KIAA1217: variants seen among roughly 807,000 people sequenced by gnomAD.
KIAA1217 encodes the protein sickle tail protein homolog.
A neutral mutation model predicts 163.9 loss-of-function variants in KIAA1217; 88 were observed. The ratio of observed to expected loss-of-function variants is 0.54; its 90% CI spans 0.45 to 0.64. The LOEUF is 0.64. KIAA1217 is among the 30% of genes least tolerant of loss of function. KIAA1217 has a pLI of 0.00. For synonymous variants in KIAA1217, 903 were observed against 923.1 expected, an observed-to-expected ratio of 0.98 and a Z score of 0.39; for missense variants, 2,372 against 2,475.0, an observed-to-expected ratio of 0.96 and a Z score of 0.88.
At chr10:24,219,566 T>C (rs2069304287) in intron 1 of KIAA1217, 60 bp from the exon 2 acceptor site, 3 of 1,412,236 alleles carry the variant, frequency 2.1e-6, no homozygotes, top group Non-Finnish European at 2.8e-6. Flanking sequence ...CTTGGTGTTC[T>C]GCAAATGAGA....
At chr10:24,334,140 T>C (rs2046033916) in intron 2 of KIAA1217, among the ~76,000 whole-genome samples, 1 of 152,210 alleles carries the variant, frequency 6.6e-6, no homozygotes, top group African/African-American at 2.4e-5. Flanking sequence ...TTATAAAATA[T>C]TTGAGTTTGG....
At chr10:24,269,350 C>A (rs1427834791) in intron 2 of KIAA1217, among the ~76,000 whole-genome samples, 1 of 151,814 alleles carries the variant, frequency 6.6e-6, no homozygotes, top group African/African-American at 2.4e-5. Flanking sequence ...GAGCAAGATC[C>A]TTTCTCTACA....
chr10:24,439,122 A>G (rs1189856679), intron 5 of KIAA1217, among the ~76,000 whole-genome samples: 1 of 152,224 alleles, frequency 6.6e-6, no homozygotes. Flanking sequence ...TGTTTTGAAG[A>G]AAAAAGAAGG....
chr10:24,524,469 C>A lies in KIAA1217; in HGVS notation c.2603C>A (p.Ala868Asp), dbSNP rs761449683. 1.7e-5 allele frequency: 28 copies of A among 1,614,060 alleles called. No homozygotes were observed. The Admixed American group carries it at 2.8e-4, about 16-fold the overall frequency. The change falls in exon 13 of 21, where the codon GCC becomes GAC. Residue 868 changes from alanine to aspartate, a missense_variant. By Grantham distance (126) the Ala-to-Asp change is moderately radical. Transcript: ENST00000376454. ...GGCCAGCCCTTCCACAGCACAGGTG[C>A]CCCTGGCGATGCGAAGTCGGAAGTG... ...TSGQPFHSTGAPGDAKSEVVP... is the reference protein window; with the variant it reads ...TSGQPFHSTGDPGDAKSEVVP...
intron 2 of KIAA1217, among the ~76,000 whole-genome samples, chr10:24,054,749 C>T (rs1394204893): frequency 6.6e-6 from 1 of 152,132 alleles, no homozygotes; most frequent in Non-Finnish European, 1.5e-5. Flanking sequence ...CACACCTAGG[C>T]TATATGGTAT....
intron 5 of KIAA1217, among the ~76,000 whole-genome samples, chr10:24,468,149 A>T (rs1294750853): frequency 6.6e-6 from 1 of 152,104 alleles, no homozygotes; most frequent in African/African-American, 2.4e-5. Context: ...TGCAAGTGTG[A>T]CCTTGGAAAT....
rs2075735560 is a variant in KIAA1217, at chr10:24,546,711, G to A, written c.*387G>A. The stretch of plus-strand genomic sequence containing the variant: ...TCATTACGGAGACTAGAAGTGAACA[G>A]AGAATTACACAAGTGTGACTATACA... On this transcript the variant is annotated 3_prime_UTR_variant, in exon 21 of 21. Transcript: ENST00000376454. 1.2e-5 allele frequency: 2 copies of A among 163,060 alleles called. No individual in the cohort carries two copies. Among genetic ancestry groups the A allele is most frequent in the Non-Finnish European group, 2.7e-5 (2 of 74,956 alleles). The allele number at this position is 163,060 out of a possible 1,614,324, so 10.1% of individuals were successfully genotyped here. A position where few individuals can be genotyped will look rare whatever the true frequency, so the allele number is the denominator to read the frequency against.
chr10:24,282,152 G>A (rs1313937030), intron 2 of KIAA1217, among the ~76,000 whole-genome samples: 1 of 152,070 alleles, frequency 6.6e-6, no homozygotes, highest in Non-Finnish European at 1.5e-5. Context: ...AGGAGCTCTT[G>A]AAGCCAAGGG....
chr10:24,235,920 A>G (rs2072189872), intron 2 of KIAA1217, among the ~76,000 whole-genome samples: 2 of 152,174 alleles, frequency 1.3e-5, no homozygotes, highest in South Asian at 4.1e-4. Flanking sequence ...ATTATGAGCA[A>G]TTTTATTAAA....
intron 2 of KIAA1217, among the ~76,000 whole-genome samples, chr10:24,047,706 AGATT>A (rs1849142055): frequency 1.3e-5 from 2 of 152,338 alleles, no homozygotes; most frequent in South Asian, 4.1e-4. Flanking sequence ...TAGCACATGT[AGATT>A]GAGATCACCT....
chr10:23,948,727 A>G (rs1844174957), intron 1 of KIAA1217, among the ~76,000 whole-genome samples: 1 of 152,158 alleles, frequency 6.6e-6, no homozygotes. Flanking sequence ...CATACCTAGA[A>G]TAGTATATAT....
intron 1 of KIAA1217, among the ~76,000 whole-genome samples, chr10:23,848,354 TC>T (rs1438483097): frequency 6.6e-6 from 1 of 152,092 alleles, no homozygotes; most frequent in African/African-American, 2.4e-5. Flanking sequence ...AGTCTAAGTC[TC>T]TTTGTAGTCT....
At chr10:23,723,656 C>A (rs1588665447) in intron 1 of KIAA1217, among the ~76,000 whole-genome samples, 2 of 151,962 alleles carry the variant, frequency 1.3e-5, no homozygotes, top group Admixed American at 6.6e-5. Flanking sequence ...GTATATAATT[C>A]TTTTATGTTT....
chr10:24,510,526 C>T (rs943253728), intron 9 of KIAA1217, among the ~76,000 whole-genome samples: 7 of 152,150 alleles, frequency 4.6e-5, no homozygotes, highest in African/African-American at 1.7e-4. Context: ...AACAACCAGA[C>T]GGTACCTCAG....
chr10:24,055,672 A>G (rs780687880), intron 2 of KIAA1217, among the ~76,000 whole-genome samples: 16 of 151,962 alleles, frequency 1.1e-4, no homozygotes, highest in Non-Finnish European at 1.8e-4. Flanking sequence ...GTGAGGGCTT[A>G]TTTGCTACTT....
intron 1 of KIAA1217, among the ~76,000 whole-genome samples, chr10:23,889,075 T>C (rs1189088678): frequency 6.6e-6 from 1 of 151,924 alleles, no homozygotes; most frequent in East Asian, 1.9e-4. Flanking sequence ...TATAGCATAG[T>C]TTTATGAACA....
chr10:24,408,703 G>A (rs540156295), intron 3 of KIAA1217, among the ~76,000 whole-genome samples: 1 of 135,056 alleles, frequency 7.4e-6, no homozygotes, highest in African/African-American at 3.1e-5. Context: ...TCTCCTAGAT[G>A]TCTGTGGGAG....
chr10:24,188,561 C>G (rs2066552006), intron 2 of KIAA1217, among the ~76,000 whole-genome samples: 1 of 152,142 alleles, frequency 6.6e-6, no homozygotes, highest in African/African-American at 2.4e-5. Flanking sequence ...CAAGCATTCT[C>G]TGCAGTATTC....
chr10:24,106,725 A>G (rs2062644509), intron 2 of KIAA1217, among the ~76,000 whole-genome samples: 2 of 152,170 alleles, frequency 1.3e-5, no homozygotes, highest in Non-Finnish European at 2.9e-5. Context: ...TGTACAGCAG[A>G]ATGCATCTCA....
Sources: allele counts gnomAD v4.1 joint callset (sites outside exome capture counted in the v4.1 genomes callset), GRCh38; gene constraint gnomAD v4.1.1; transcripts MANE v1.5; gene names NCBI Gene and HGNC (gene_info 2026-07-23, HGNC 2026-07-21).